The following C8orf33 variants were observed in gnomAD, a reference collection of about 807,000 sequenced individuals.
C8orf33 encodes the protein UPF0488 protein C8orf33.
C8orf33 carries 28 observed loss-of-function variants against 25.7 expected under a neutral mutation model. The observed-to-expected ratio is 1.09, with a 90% confidence interval of 0.81 to 1.49. The LOEUF (loss-of-function observed/expected upper bound fraction) is 1.49, where lower values mean the gene tolerates loss of function less well. Ranked by LOEUF, C8orf33 falls within the 40% of genes most tolerant of loss-of-function variation. The pLI, the probability that C8orf33 is intolerant of heterozygous loss-of-function variation, is 0.00. For missense variants in C8orf33, 369 were observed against 294.4 expected (o/e 1.25, Z -1.85); for synonymous variants, 153 against 115.9 (o/e 1.32, Z -2.06).
chr8:145,052,539 A>G lies in C8orf33; in HGVS notation c.6+42A>G, dbSNP rs763089817. 6 of 1,600,502 alleles carry G rather than the reference A, an allele frequency of 3.7e-6. No individual in the cohort carries two copies. In the African/African-American group the frequency reaches 6.7e-5, roughly 18 times the overall value. ...AGACGCGCGGGTGGCTGGGCCTTGC[A>G]TTGTTGGCGGCTCTCGGTGACCCTC... On this transcript the variant is annotated intron_variant, in intron 1 of 4. Transcript: ENST00000331434.
rs773945054 is a variant in C8orf33 at position 145,052,880 on chromosome 8, C to T, written c.301C>T (p.Leu101=). ...SEKLAPEEVP[L]SAEAQAQQLA... is the part of the protein sequence containing the mutation. ...GAAACTCGCCCCAGAAGAAGTTCCC[C>T]TAAGCGCTGAGGCCCAGGCAAGGGC... Residue 101 remains leucine (L), a synonymous_variant, in exon 2 of 5, where the codon CTA becomes TTA. Transcript: ENST00000331434. 2 of 1,612,588 alleles carry T rather than the reference C, an allele frequency of 1.2e-6. No individual in the cohort carries two copies. Among genetic ancestry groups the T allele is most frequent in the African/African-American group, 2.7e-5 (2 of 74,762 alleles).
Position 145,053,105 on chromosome 8 carries a change from T to G in C8orf33, c.362T>G (p.Leu121Arg). The G allele has an allele frequency of 6.2e-7, 1 of 1,614,124 alleles. No individual in the cohort carries two copies. ...AQELAWCVEQ[L>R]ELGLKRQKPT... is the part of the protein sequence containing the mutation. ...GAATTGGCTTGGTGTGTGGAGCAAC[T>G]GGAGCTGGGCCTCAAGAGGCAGAAA... The change falls in exon 3 of 5, where the codon CTG becomes CGG. Residue 121 changes from leucine (L) to arginine (R), a missense_variant. Transcript: ENST00000331434.
At chr8:145,053,755 T>G (rs1435072361) in intron 4 of C8orf33, 3 of 586,194 alleles carry the variant, frequency 5.1e-6, no homozygotes, top group Non-Finnish European at 9.0e-6. Context: ...TGAAGCCATA[T>G]CCCATAACAG....
rs1835335783 is a variant in C8orf33 at position 145,054,849 on chromosome 8, C to T, written c.*692C>T. 1 of 152,246 alleles carries T rather than the reference C, an allele frequency of 6.6e-6. No homozygotes were observed. The highest frequency in any genetic ancestry group is 6.5e-5 in the Admixed American group (1 of 15,282). 9.4% of individuals were successfully genotyped at this position (152,246 alleles called of 1,614,324 possible). ...GCCTGAGACCTGGATTGAGCCTTGG[C>T]AGACTTCTTGTCTAAATGTTGGCCA... On this transcript the variant is annotated 3_prime_UTR_variant, in exon 5 of 5. Coordinates refer to ENST00000331434, the MANE Select transcript of C8orf33 (RefSeq NM_023080.3).
In C8orf33 at chr8:145,053,232, T is replaced by C; in HGVS notation, c.404-65T>C. The C allele has an allele frequency of 3.7e-6, 6 of 1,613,126 alleles. No individual in the cohort carries two copies. The South Asian group carries it at 6.6e-5, about 18-fold the overall frequency. ...GCTGGCAGAGTATGGAGTTGTTGGCTTTGCGGCGGGGTGGTAGGAGGTCAG... is the reference window on the plus strand; with the variant it reads ...GCTGGCAGAGTATGGAGTTGTTGGCCTTGCGGCGGGGTGGTAGGAGGTCAG... On this transcript the variant is annotated intron_variant, in intron 3 of 4. Transcript: ENST00000331434.
rs1368049649 is a variant in C8orf33 at position 145,054,788 on chromosome 8, C to A, written c.*631C>A. ...GGCACCTACCAGGCCAGGCTCTGTT[C>A]TTAGGAGCAAGGAGCTTCTTGCGCT... On this transcript the variant is annotated 3_prime_UTR_variant, in exon 5 of 5. Coordinates refer to ENST00000331434, the MANE Select transcript of C8orf33 (RefSeq NM_023080.3). 1 of 152,288 alleles carries A rather than the reference C, an allele frequency of 6.6e-6. No individual in the cohort carries two copies. Among genetic ancestry groups the A allele is most frequent in the African/African-American group, 2.4e-5 (1 of 41,434 alleles). The allele number at this position is 152,288 out of a possible 1,614,324, so 9.4% of individuals were successfully genotyped here.
chr8:145,052,565 G>A (rs1402476591), intron 1 of C8orf33, 21 bp from the exon 2 acceptor site: 5 of 1,601,656 alleles, frequency 3.1e-6, no homozygotes, highest in African/African-American at 2.7e-5. Flanking sequence ...GGTGACCCTC[G>A]TGCTACCCCC....
Position 145,055,172 on chromosome 8 carries a change from C to T in C8orf33, c.*1015C>T, listed in dbSNP as rs181250224. 6.6e-5 allele frequency: 10 copies of T among 152,136 alleles called. No homozygotes were observed. Among genetic ancestry groups the T allele is most frequent in the South Asian group, 2.1e-4 (1 of 4,830 alleles). The allele number at this position is 152,136 out of a possible 1,614,324, so 9.4% of individuals were successfully genotyped here. A position where few individuals can be genotyped will look rare whatever the true frequency, so the allele number is the denominator to read the frequency against. On this transcript the variant is annotated 3_prime_UTR_variant, in exon 5 of 5. Transcript: ENST00000331434. Reference sequence around the variant, plus strand: ...GTGCCGAGGAAAGAGACTGAGGGCACGAGCTGTTCCAGTATAATAAAATAT... The same window carrying T: ...GTGCCGAGGAAAGAGACTGAGGGCATGAGCTGTTCCAGTATAATAAAATAT...
At chr8:145,053,021 TCCAGTGC>T (rs747942656) in intron 2 of C8orf33, 34 bp from the exon 3 acceptor site, 38 of 1,613,318 alleles carry the variant, frequency 2.4e-5, no homozygotes, top group Non-Finnish European at 3.1e-5. Context: ...GCTATGGTTT[TCCAGTGC>T]CCTCTCACAG....
chr8:145,053,598 C>T (rs867891455), intron 4 of C8orf33, 155 bp downstream of exon 4: 15 of 718,738 alleles, frequency 2.1e-5, no homozygotes, highest in South Asian at 3.8e-5. Context: ...AAGCGTGGAC[C>T]TCTCTTTCCT....
Position 145,054,180 on chromosome 8 carries a change from T to A in C8orf33, c.*23T>A. ...TAGCGTCTCCCCGAACCTGAAACAA[T>A]CCCCCTCCCTTGGGGTGGTGTAGGG... On this transcript the variant is annotated 3_prime_UTR_variant, in exon 5 of 5. Coordinates refer to ENST00000331434, the MANE Select transcript of C8orf33 (RefSeq NM_023080.3). The A allele has an allele frequency of 6.2e-7, 1 of 1,612,584 alleles. No homozygotes were observed. Among genetic ancestry groups the A allele is most frequent in the South Asian group, 1.1e-5 (1 of 90,984 alleles).
In C8orf33 at chr8:145,053,048, C is replaced by T. The variant is rs748662605; in HGVS notation, c.319-14C>T. The T allele has an allele frequency of 6.2e-7, 1 of 1,614,132 alleles. No individual in the cohort carries two copies. Among genetic ancestry groups the T allele is most frequent in the Non-Finnish European group, 8.5e-7 (1 of 1,180,012 alleles). On this transcript the variant is annotated splice_polypyrimidine_tract_variant and intron_variant, in intron 2 of 4. Coordinates refer to ENST00000331434, the MANE Select transcript of C8orf33 (RefSeq NM_023080.3). ...CAGTGCCCTCTCACAGCCACTTCCC[C>T]AAATCCATCACAGGCACAACAGTTG...
Position 145,055,049 on chromosome 8 carries a change from C to T in C8orf33, c.*892C>T, listed in dbSNP as rs1205457646. On this transcript the variant is annotated 3_prime_UTR_variant, in exon 5 of 5. Coordinates refer to ENST00000331434, the MANE Select transcript of C8orf33 (RefSeq NM_023080.3). ...TGGGTGCTTCATAGGCATTTCAAACCTGATGTGTTTAAAACACTTGATTAG... is the reference window on the plus strand; with the variant it reads ...TGGGTGCTTCATAGGCATTTCAAACTTGATGTGTTTAAAACACTTGATTAG... 1.3e-5 allele frequency: 2 copies of T among 152,192 alleles called. No homozygotes were observed. Among genetic ancestry groups the T allele is most frequent in the African/African-American group, 2.4e-5 (1 of 41,424 alleles). The allele number at this position is 152,192 out of a possible 1,614,324, so 9.4% of individuals were successfully genotyped here.
In C8orf33 at chr8:145,054,134, G is replaced by A. The variant is rs1835321681; in HGVS notation, c.667G>A (p.Glu223Lys). The A allele has an allele frequency of 1.2e-6, 2 of 1,614,134 alleles. No individual in the cohort carries two copies. Among genetic ancestry groups the A allele is most frequent in the Non-Finnish European group, 1.7e-6 (2 of 1,180,020 alleles). The change falls in exon 5 of 5, where the codon GAG becomes AAG. Residue 223 changes from glutamate (E) to lysine (K), a missense_variant. Transcript: ENST00000331434. The part of the protein sequence containing the change: ...AKATLDMPDE[E>K]FRFNFF The stretch of plus-strand genomic sequence containing the variant: ...AGCCACTCTGGACATGCCTGATGAA[G>A]AGTTTAGGTTCAATTTCTTTTAGCG...
At chr8:145,053,183 A>G (rs1399508687) in intron 3 of C8orf33, 37 bp downstream of exon 3, 1 of 1,613,754 alleles carries the variant, frequency 6.2e-7, no homozygotes, top group South Asian at 1.1e-5. Flanking sequence ...GGATGTGAAC[A>G]GTGGCACTGC....
Position 145,052,608 on chromosome 8 carries a change from A to T in C8orf33, c.29A>T (p.Glu10Val). The T allele has an allele frequency of 6.2e-7, 1 of 1,607,398 alleles. No individual in the cohort carries two copies. The highest frequency in any genetic ancestry group is 1.1e-5 in the South Asian group (1 of 90,992). Residue 10 changes from glutamate to valine, a missense_variant, in exon 2 of 5, where the codon GAG (glutamate) becomes GTG (valine). Glu to Val is a moderately radical substitution (Grantham distance 121). Transcript: ENST00000331434. ...CAGGCCCTGGGACATCTTGCTGGGG[A>T]GGCAGCGGCGGCCCCAGGCCCGGGT... MAALGHLAGEAAAAPGPGTP... is the reference protein window; with the variant it reads MAALGHLAGVAAAAPGPGTP...
intron 4 of C8orf33, 22 bp downstream of exon 4, chr8:145,053,465 G>A (rs765789876): frequency 3.1e-6 from 5 of 1,612,386 alleles, no homozygotes; most frequent in Non-Finnish European, 4.2e-6. Context: ...GCCACTGGTT[G>A]ATTCAGGAAG....
rs745781854 is a variant in C8orf33 at position 145,053,394 on chromosome 8, G to A, written c.501G>A (p.Arg167=). ...QLMHSLFGDY[R]AQMEAEWREA... Reference sequence around the variant, plus strand: ...TGCACTCCTTGTTTGGAGACTATAGGGCTCAGATGGAAGCCGAATGGCGTG... The same window carrying A: ...TGCACTCCTTGTTTGGAGACTATAGAGCTCAGATGGAAGCCGAATGGCGTG... The change falls in exon 4 of 5, where the codon AGG becomes AGA. Residue 167 remains arginine (R), a synonymous_variant. Coordinates refer to ENST00000331434, the MANE Select transcript of C8orf33 (RefSeq NM_023080.3). The A allele has an allele frequency of 6.2e-7, 1 of 1,614,226 alleles. No homozygotes were observed. Among genetic ancestry groups the A allele is most frequent in the South Asian group, 1.1e-5 (1 of 91,090 alleles).
rs1003866450 is a variant in C8orf33 at position 145,053,566 on chromosome 8, C to T, written c.550+123C>T. 9 of 957,476 alleles carry T rather than the reference C, an allele frequency of 9.4e-6. No homozygotes were observed. In the Admixed American group the frequency reaches 1.1e-4, roughly 11 times the overall value. 59.3% of individuals were successfully genotyped at this position (957,476 alleles called of 1,614,324 possible). Reference sequence around the variant, plus strand: ...GGGGAAGGAGATGGGCTCAGGGAAGCCTGAGGGAGCAGGGAAACAGAAAGC... The same window carrying T: ...GGGGAAGGAGATGGGCTCAGGGAAGTCTGAGGGAGCAGGGAAACAGAAAGC... On this transcript the variant is annotated intron_variant, in intron 4 of 4. Coordinates refer to ENST00000331434, the MANE Select transcript of C8orf33 (RefSeq NM_023080.3).
Sources: gnomAD v4.1 joint callset for allele counts on GRCh38, gnomAD v4.1.1 for gene constraint, MANE v1.5 for transcripts, NCBI Gene and HGNC (gene_info 2026-07-23, HGNC 2026-07-21) for gene names.